The following HOXA3 variants were observed in gnomAD, a reference collection of about 807,000 sequenced individuals.
HOXA3 encodes the protein homeobox protein Hox-A3.
Under a neutral mutation model 30.3 loss-of-function variants are expected in HOXA3, and 8 were observed. The observed-to-expected ratio is 0.26, with a 90% CI of 0.15 to 0.48. The LOEUF is 0.48. Among genes scored for constraint, HOXA3 ranks in the 20% least tolerant of loss-of-function variants. HOXA3 has a pLI of 0.99. For missense variants in HOXA3, 653 were observed against 614.4 expected, an observed-to-expected ratio of 1.06 and a Z score of -0.66; for synonymous variants, 323 against 273.1, an observed-to-expected ratio of 1.18 and a Z score of -1.80.
At position 27,149,474 on chromosome 7, in the gene HOXA3, A is replaced by G. The variant is rs114461936; in HGVS notation, c.-494+2814T>C. On this transcript the variant is annotated intron_variant, in intron 1 of 5. Transcript: ENST00000612286. ...CCTTGCTTTTCAATTTTTTTCCTGAACTCTCCTCCCACAAAGGGAAAAAAT... is the reference window on the plus strand; with the variant it reads ...CCTTGCTTTTCAATTTTTTTCCTGAGCTCTCCTCCCACAAAGGGAAAAAAT... 4.1e-3 allele frequency among the ~76,000 whole-genome samples: 625 copies of G among 151,772 alleles called. 6 individuals are homozygous for G. Among genetic ancestry groups the G allele is most frequent in the African/African-American group, 0.015 (601 of 41,362 alleles).
intron 1 of HOXA3, chr7:27,150,157 T>TTCTCTC (rs371988880): frequency 9.2e-5 from 3 of 32,454 alleles, no homozygotes; most frequent in African/African-American, 1.2e-4. Context: ...CAACCAGATA[T>TTCTCTC]TCTCTCTCTC....
chr7:27,134,124 A>G (rs6944900), intron 2 of HOXA3: 144,829 of 152,316 alleles, frequency 0.95, 68,939 homozygotes, highest in East Asian at 1. Flanking sequence ...GCATGTCTCT[A>G]GAGCTGAACA....
Position 27,110,801 on chromosome 7 carries a change from A to G in HOXA3, c.-120-41T>C, listed in dbSNP as rs1045889091. The G allele has an allele frequency of 5.9e-6, 6 of 1,020,522 alleles. No individual in the cohort carries two copies. The Admixed American group carries it at 1.5e-4, about 25-fold the overall frequency. The allele number at this position is 1,020,522 out of a possible 1,614,324, so 63.2% of individuals were successfully genotyped here. Reference sequence around the variant, plus strand: ...GCGCAGCGCGGTGAGGGCTCCGCGCAAATCCATCTTACTCTCAATAGCTAA... The same window carrying G: ...GCGCAGCGCGGTGAGGGCTCCGCGCGAATCCATCTTACTCTCAATAGCTAA... On this transcript the variant is annotated intron_variant, in intron 4 of 5. Transcript: ENST00000612286.
chr7:27,116,461 GC>G (rs1784727940), intron 4 of HOXA3: 1 of 152,530 alleles, frequency 6.6e-6, no homozygotes, highest in Non-Finnish European at 1.5e-5. Flanking sequence ...AAGGGGACTA[GC>G]CTTTTTTGAT....
chr7:27,141,733 C>A, intron 1 of HOXA3: 1 of 1,435,588 alleles, frequency 7.0e-7, no homozygotes. Flanking sequence ...GAGAACAGGG[C>A]TTCTTCACAG....
At chr7:27,130,167 G>A (rs1261808735) in intron 2 of HOXA3, 1 of 1,598,140 alleles carries the variant, frequency 6.3e-7, no homozygotes. Flanking sequence ...CGGGCTCCTT[G>A]CCCTTCAGGC....
At position 27,107,953 on chromosome 7, in the gene HOXA3, C is replaced by G; in HGVS notation, c.1294G>C (p.Gly432Arg). 6.3e-7 allele frequency: 1 copy of G among 1,593,434 alleles called. No individual in the cohort carries two copies. Among genetic ancestry groups the G allele is most frequent in the Non-Finnish European group, 8.6e-7 (1 of 1,164,640 alleles). ...AGCTTGGGTGCTTCCTGAATTCTTC[C>G]CTGAGAAGGATGGTGGCCGGTAAGG... Reference protein sequence around the residue: ...TDLTGHHPSQGRIQEAPKLTH... With the variant: ...TDLTGHHPSQRRIQEAPKLTH... The change falls in exon 6 of 6, where the codon GGA becomes CGA. Residue 432 changes from glycine to arginine, a missense_variant. Physicochemically the swap from Gly to Arg is moderately radical, Grantham distance 125. Coordinates refer to ENST00000612286, the MANE Select transcript of HOXA3 (RefSeq NM_153631.3).
intron 2 of HOXA3, among the ~76,000 whole-genome samples, chr7:27,135,969 G>A (rs1224477674): frequency 6.6e-6 from 1 of 152,138 alleles, no homozygotes; most frequent in Non-Finnish European, 1.5e-5. Context: ...CCTTTCCTCC[G>A]TAATTGAGGT....
Position 27,107,761 on chromosome 7 carries a change from G to A in HOXA3, c.*154C>T. The A allele has an allele frequency of 1.8e-6, 1 of 541,142 alleles. No homozygotes were observed. Among genetic ancestry groups the A allele is most frequent in the Non-Finnish European group, 3.1e-6 (1 of 319,142 alleles). The allele number at this position is 541,142 out of a possible 1,614,324, so 33.5% of individuals were successfully genotyped here. On this transcript the variant is annotated 3_prime_UTR_variant, in exon 6 of 6. Coordinates refer to ENST00000612286, the MANE Select transcript of HOXA3 (RefSeq NM_153631.3). ...ACTATAAAAACGCCTTACCAACGAG[G>A]GGGGAAACCGGGAAACGGAGTGCGG...
chr7:27,151,493 C>A (rs1431453928), intron 1 of HOXA3: 6 of 423,224 alleles, frequency 1.4e-5, no homozygotes, highest in Non-Finnish European at 2.9e-5. Flanking sequence ...CCCTGCCACG[C>A]GCGCTAACAG....
Position 27,110,708 on chromosome 7 carries a change from C to A in HOXA3, c.-68G>T. The stretch of plus-strand genomic sequence containing the variant: ...TGACACCCGTGAGGGCGCACATTGG[C>A]ACGCCCCCGCGGTCACGTGACACTC... On this transcript the variant is annotated 5_prime_UTR_variant, in exon 5 of 6. Coordinates refer to ENST00000612286, the MANE Select transcript of HOXA3 (RefSeq NM_153631.3). 6.3e-7 allele frequency: 1 copy of A among 1,579,552 alleles called. No individual in the cohort carries two copies. Among genetic ancestry groups the A allele is most frequent in the South Asian group, 1.1e-5 (1 of 90,024 alleles).
intron 2 of HOXA3, among the ~76,000 whole-genome samples, chr7:27,135,182 T>G (rs1350846036): frequency 1.4e-5 from 2 of 145,612 alleles, no homozygotes; most frequent in Non-Finnish European, 3.0e-5. Context: ...TCTCCTTGGC[T>G]TTTTTTTTTA....
At chr7:27,109,583 G>A (rs760990425) in intron 5 of HOXA3, among the ~76,000 whole-genome samples, 1 of 152,230 alleles carries the variant, frequency 6.6e-6, no homozygotes, top group African/African-American at 2.4e-5. Flanking sequence ...TCCCCCAGGA[G>A]ATCTTTGGCT....
At chr7:27,136,157 T>G (rs1465776558) in intron 2 of HOXA3, among the ~76,000 whole-genome samples, 1 of 152,222 alleles carries the variant, frequency 6.6e-6, no homozygotes, top group African/African-American at 2.4e-5. Context: ...CTTTTTGACC[T>G]GCAGTTGTAA....
chr7:27,144,382 G>T (rs1010774775), intron 1 of HOXA3, among the ~76,000 whole-genome samples: 2 of 152,226 alleles, frequency 1.3e-5, no homozygotes, highest in African/African-American at 2.4e-5. Flanking sequence ...GTCTATTAAA[G>T]ATAGCTTTTG....
chr7:27,144,945 G>GGGAGGCT (rs1023906193), intron 1 of HOXA3, among the ~76,000 whole-genome samples: 1 of 152,182 alleles, frequency 6.6e-6, no homozygotes, highest in Non-Finnish European at 1.5e-5. Flanking sequence ...GGCTGGGAGC[G>GGGAGGCT]GGAATCCGGA....
intron 3 of HOXA3, among the ~76,000 whole-genome samples, chr7:27,126,193 C>T (rs1434927535): frequency 1.3e-5 from 2 of 152,138 alleles, no homozygotes; most frequent in Non-Finnish European, 2.9e-5. Flanking sequence ...GTGTTAAGTA[C>T]TTAATTCAAA....
intron 1 of HOXA3, chr7:27,143,703 G>C: frequency 6.8e-7 from 1 of 1,479,700 alleles, no homozygotes; most frequent in Non-Finnish European, 9.0e-7. Context: ...GAAATGACTG[G>C]GACATGTACT....
chr7:27,108,306 G>T lies in HOXA3; in HGVS notation c.941C>A (p.Ala314Glu). 1 of 1,522,986 alleles carries T rather than the reference G, an allele frequency of 6.6e-7. No individual in the cohort carries two copies. 94.3% of individuals were successfully genotyped at this position (1,522,986 alleles called of 1,614,324 possible). The change falls in exon 6 of 6, where the codon GCG (alanine) becomes GAG (glutamate). Residue 314 changes from alanine to glutamate, a missense_variant. Transcript: ENST00000612286. The surrounding 1 kb of genome is among the most constrained non-coding windows in gnomAD (Gnocchi z 5.0). ...TYGLPPASYP[A>E]SLPSCAPPPP... is the part of the protein sequence containing the mutation. ...CGGGGGTGCGCAGCTGGGCAGGGAC[G>T]CAGGGTAGGAGGCGGGGGGCAGCCC... is the stretch of plus-strand genomic sequence containing the variant.
Sources: allele counts gnomAD v4.1 joint callset (sites outside exome capture counted in the v4.1 genomes callset), GRCh38; gene constraint gnomAD v4.1.1; non-coding constraint Gnocchi (gnomAD v3.1); transcripts MANE v1.5; gene names NCBI Gene and HGNC (gene_info 2026-07-23, HGNC 2026-07-21).